The following PRKAG2 variants were observed in gnomAD, a reference collection of about 807,000 sequenced individuals.
PRKAG2 encodes protein kinase AMP-activated non-catalytic subunit gamma 2.
Under a neutral mutation model 69.6 loss-of-function variants are expected in PRKAG2, and 26 were observed. The observed-to-expected ratio is 0.37, with a 90% confidence interval of 0.27 to 0.52. The LOEUF (loss-of-function observed/expected upper bound fraction) is 0.52, where lower values mean the gene tolerates loss of function less well. PRKAG2 is among the 20% of genes least tolerant of loss of function. PRKAG2 has a pLI of 0.90. For synonymous variants in PRKAG2, 293 were observed against 285.0 expected (o/e 1.03, Z -0.28); for missense variants, 557 against 740.0 (o/e 0.75, Z 2.87).
chr7:151,683,892 G>A (rs1834266648), intron 3 of PRKAG2, among the ~76,000 whole-genome samples: 1 of 152,196 alleles, frequency 6.6e-6, no homozygotes. Flanking sequence ...AGCCTCTGAT[G>A]TCTGCTTAGG....
chr7:151,869,309 G>A (rs764397882), intron 1 of PRKAG2, among the ~76,000 whole-genome samples: 31 of 152,146 alleles, frequency 2.0e-4, no homozygotes, highest in Non-Finnish European at 3.5e-4. Context: ...AGTATGTAGA[G>A]CCTCGTTTAT....
At chr7:151,784,571 G>A (rs914177272) in intron 2 of PRKAG2, among the ~76,000 whole-genome samples, 1 of 152,190 alleles carries the variant, frequency 6.6e-6, no homozygotes, top group African/African-American at 2.4e-5. Flanking sequence ...CCCAGAGACA[G>A]AGGAGAAGGG....
intron 4 of PRKAG2, among the ~76,000 whole-genome samples, chr7:151,651,981 C>G (rs752432444): frequency 5.3e-5 from 8 of 152,142 alleles, no homozygotes; most frequent in Non-Finnish European, 1.0e-4. Flanking sequence ...TCTGATGTAT[C>G]GCACAGCACT....
intron 13 of PRKAG2, among the ~76,000 whole-genome samples, chr7:151,564,744 G>T (rs923836325): frequency 6.6e-6 from 1 of 151,882 alleles, no homozygotes; most frequent in African/African-American, 2.4e-5. Flanking sequence ...TGGCTTCATG[G>T]GGCTCTCATT....
rs557210689 is a variant in PRKAG2 at position 151,777,364 on chromosome 7, C to G, written c.466+3788G>C. Among the ~76,000 whole-genome samples the G allele has an allele frequency of 1.3e-5, 2 of 152,192 alleles. No individual in the cohort carries two copies. Among genetic ancestry groups the G allele is most frequent in the Non-Finnish European group, 2.9e-5 (2 of 68,018 alleles). ...TGATAGAGGTTGAGTGTTTCTTCCC[C>G]GCTCTCAGGTTGAAATTGGATCCCC... On this transcript the variant is annotated intron_variant, in intron 3 of 15. Coordinates refer to ENST00000287878, the MANE Select transcript of PRKAG2 (RefSeq NM_016203.4). This position sits in a 1 kb window ranked among gnomAD's most constrained non-coding sequence, Gnocchi z 4.3.
intron 1 of PRKAG2, among the ~76,000 whole-genome samples, chr7:151,820,778 T>C (rs953881834): frequency 5.9e-5 from 9 of 152,258 alleles, no homozygotes; most frequent in African/African-American, 2.2e-4. Flanking sequence ...AGAAGGAACT[T>C]GGCACTTGGG....
chr7:151,592,702 T>C lies in PRKAG2; in HGVS notation c.864+2643A>G, dbSNP rs150508669. Among the ~76,000 whole-genome samples the C allele has an allele frequency of 1.7e-3, 264 of 152,356 alleles. 1 individual carries two copies. Among genetic ancestry groups the C allele is most frequent in the African/African-American group, 6.2e-3 (258 of 41,588 alleles). ...TTCCTAATCAATGAATCAATGAATA[T>C]ACTCTTGACAAACATTTTCTCCATT... On this transcript the variant is annotated intron_variant, in intron 6 of 15. Transcript: ENST00000287878.
Position 151,795,846 on chromosome 7 carries a change from CATATATATATAT to C in PRKAG2, c.115-9317_115-9306del, listed in dbSNP as rs55657994. Among the ~76,000 whole-genome samples, 209 of 56,786 alleles carry C rather than the reference CATATATATATAT, an allele frequency of 3.7e-3. 3 individuals carry two copies. The highest frequency in any genetic ancestry group is 4.5e-3 in the Non-Finnish European group (134 of 29,738). The allele number at this position is 56,786 out of a possible 152,430, so 37.3% of individuals were successfully genotyped here. A position where few individuals can be genotyped will look rare whatever the true frequency, so the allele number is the denominator to read the frequency against. On this transcript the variant is annotated intron_variant, in intron 1 of 15. Transcript: ENST00000287878. ...TGAGTCAATTCTTTCAAACAAATCT[CATATATATATAT>C]ATATATATATATATATATATATATA...
intron 4 of PRKAG2, among the ~76,000 whole-genome samples, chr7:151,642,062 G>A (rs1170923580): frequency 2.0e-5 from 3 of 148,956 alleles, no homozygotes; most frequent in Non-Finnish European, 3.0e-5. Flanking sequence ...GGGGCCAGGC[G>A]TGGTGGCTCA....
At chr7:151,819,588 CAA>C in intron 1 of PRKAG2, among the ~76,000 whole-genome samples, 1 of 152,210 alleles carries the variant, frequency 6.6e-6, no homozygotes, top group South Asian at 2.1e-4. Context: ...TGCAGGATTG[CAA>C]AGACATTTGG....
rs1837325149 is a variant in PRKAG2 at position 151,699,639 on chromosome 7, A to G, written c.467-24002T>C. Among the ~76,000 whole-genome samples, 1 of 152,246 alleles carries G rather than the reference A, an allele frequency of 6.6e-6. No homozygotes were observed. Among genetic ancestry groups the G allele is most frequent in the South Asian group, 2.1e-4 (1 of 4,836 alleles). ...TACAGGGAAGAACTGGAAGTGGGAT[A>G]TGCAGTGCCTGGGCTTGGGGTAACA... On this transcript the variant is annotated intron_variant, in intron 3 of 15. Transcript: ENST00000287878. This position sits in a 1 kb window ranked among gnomAD's most constrained non-coding sequence, Gnocchi z 4.5.
chr7:151,858,238 C>T (rs967063422), intron 1 of PRKAG2, among the ~76,000 whole-genome samples: 1 of 152,128 alleles, frequency 6.6e-6, no homozygotes, highest in Non-Finnish European at 1.5e-5. Context: ...CTACCCCTCC[C>T]CTCCCCTCCC....
intron 4 of PRKAG2, among the ~76,000 whole-genome samples, chr7:151,636,469 C>T (rs926970111): frequency 1.3e-5 from 2 of 152,170 alleles, no homozygotes; most frequent in Admixed American, 6.5e-5. Flanking sequence ...CATTGTAACA[C>T]GGATCAGCAC....
At chr7:151,592,547 C>A (rs1326144340) in intron 6 of PRKAG2, among the ~76,000 whole-genome samples, 1 of 152,062 alleles carries the variant, frequency 6.6e-6, no homozygotes, top group Non-Finnish European at 1.5e-5. Flanking sequence ...CTACTCCTGT[C>A]TGCGCACACT....
intron 3 of PRKAG2, among the ~76,000 whole-genome samples, chr7:151,760,477 G>T (rs116192146): frequency 3.3e-5 from 5 of 152,082 alleles, no homozygotes; most frequent in African/African-American, 7.2e-5. Context: ...CAGGTGATCC[G>T]CCCACCTCGG....
Position 151,640,398 on chromosome 7 carries a change from C to T in PRKAG2, c.685-8260G>A, listed in dbSNP as rs537861948. Among the ~76,000 whole-genome samples, 5 of 152,226 alleles carry T rather than the reference C, an allele frequency of 3.3e-5. No individual in the cohort carries two copies. The East Asian group carries it at 7.7e-4, about 24-fold the overall frequency. On this transcript the variant is annotated intron_variant, in intron 4 of 15. Transcript: ENST00000287878. ...CAATCTTTAGGATTTTCTTGGCAAA[C>T]TCCTGAGCTGGGGGGAAGGGCCTGA...
intron 5 of PRKAG2, among the ~76,000 whole-genome samples, chr7:151,606,946 T>C (rs559016819): frequency 1.3e-5 from 2 of 152,388 alleles, no homozygotes; most frequent in African/African-American, 4.8e-5. Flanking sequence ...TTTGATATTT[T>C]CAGTGTTATA....
chr7:151,812,070 C>T (rs903235924), intron 1 of PRKAG2, among the ~76,000 whole-genome samples: 4 of 152,144 alleles, frequency 2.6e-5, no homozygotes, highest in Non-Finnish European at 5.9e-5. Flanking sequence ...AATAATCAAT[C>T]AATCAATATT....
intron 1 of PRKAG2, among the ~76,000 whole-genome samples, chr7:151,856,688 G>C (rs1268056367): frequency 6.6e-6 from 1 of 152,208 alleles, no homozygotes; most frequent in Admixed American, 6.5e-5. Context: ...ATATAACTCA[G>C]TGAATGCCCG....
Sources: allele counts gnomAD v4.1 joint callset (sites outside exome capture counted in the v4.1 genomes callset), GRCh38; gene constraint gnomAD v4.1.1; non-coding constraint Gnocchi (gnomAD v3.1); transcripts MANE v1.5; gene names NCBI Gene and HGNC (gene_info 2026-07-23, HGNC 2026-07-21).